Variants in NAMPT observed in about 807,000 individuals in gnomAD.
NAMPT encodes NAmPRTase.
In NAMPT, 7 loss-of-function variants were observed where a neutral mutation model predicts 58.7. The observed-to-expected ratio is 0.12, with a 90% CI of 0.07 to 0.22. The LOEUF (loss-of-function observed/expected upper bound fraction) is 0.22, where lower values mean the gene tolerates loss of function less well. Ranked by LOEUF, NAMPT falls within the 10% of genes least tolerant of loss-of-function variation. The probability of loss-of-function intolerance (pLI) is 1.00; values close to 1 mark genes in which losing one functional copy is unlikely to be tolerated. For missense variants in NAMPT, 271 were observed against 567.9 expected (o/e 0.48, Z 5.31); for synonymous variants, 145 against 198.1 (o/e 0.73, Z 2.25).
At chr7:106,282,862 T>C (rs1244551345) in intron 1 of NAMPT, among the ~76,000 whole-genome samples, 1 of 152,262 alleles carries the variant, frequency 6.6e-6, no homozygotes, top group East Asian at 1.9e-4. Context: ...CTGATAAGGA[T>C]ATGTAACATT....
chr7:106,257,068 C>T (rs79267862), intron 8 of NAMPT, among the ~76,000 whole-genome samples: 10 of 151,474 alleles, frequency 6.6e-5, no homozygotes, highest in African/African-American at 2.4e-4. Context: ...CCCAGCTACC[C>T]GAGAAGCAGA....
Position 106,250,504 on chromosome 7 carries a change from AG to A in NAMPT, c.*578del, listed in dbSNP as rs1394798779. The A allele has an allele frequency of 2.6e-5, 4 of 153,512 alleles. No homozygotes were observed. The highest frequency in any genetic ancestry group is 9.7e-5 in the African/African-American group (4 of 41,444). The allele number at this position is 153,512 out of a possible 1,614,324, so 9.5% of individuals were successfully genotyped here. A position where few individuals can be genotyped will look rare whatever the true frequency, so the allele number is the denominator to read the frequency against. On this transcript the variant is annotated 3_prime_UTR_variant, in exon 11 of 11. Transcript: ENST00000222553. ...GGGGCAGTAAGGTTAGTAATTCTAT[AG>A]GGTATGTCCCGACATAATTTTCAAA...
chr7:106,253,008 GATAC>G lies in NAMPT; in HGVS notation c.1365+5_1365+8del. On this transcript the variant is annotated splice_donor_5th_base_variant and intron_variant, in intron 10 of 10. Coordinates refer to ENST00000222553, the MANE Select transcript of NAMPT (RefSeq NM_005746.3). ...TTGCTTAAAAAAACCAATCAGCATA[GATAC>G]ATACCTGACCATATTCCTCAAGGTC... is the stretch of plus-strand genomic sequence containing the variant. The G allele has an allele frequency of 6.2e-7, 1 of 1,612,218 alleles. No individual in the cohort carries two copies. Among genetic ancestry groups the G allele is most frequent in the Non-Finnish European group, 8.5e-7 (1 of 1,178,950 alleles).
chr7:106,256,780 G>A (rs879835560), intron 8 of NAMPT, among the ~76,000 whole-genome samples: 2 of 152,120 alleles, frequency 1.3e-5, no homozygotes, highest in Admixed American at 6.5e-5. Flanking sequence ...TCCACTTAAC[G>A]TTTTCAACTT....
upstream of NAMPT, chr7:106,285,487 G>GGGCGAGGAGCC: frequency 1.1e-6 from 1 of 940,504 alleles, no homozygotes; most frequent in Non-Finnish European, 1.3e-6. Flanking sequence ...CCCGGCTAGG[G>GGGCGAGGAGCC]GGCGAGGAGC....
In NAMPT at chr7:106,274,417, G is replaced by A. The variant is rs147388849; in HGVS notation, c.318+529C>T. 2.5e-3 allele frequency among the ~76,000 whole-genome samples: 384 copies of A among 152,138 alleles called. 3 individuals carry two copies. Among genetic ancestry groups the A allele is most frequent in the African/African-American group, 8.7e-3 (363 of 41,496 alleles). ...AATGATTTAACATGGGGGATGCGGG[G>A]AGAGGGATAAAATGTCAACCTTAAC... On this transcript the variant is annotated intron_variant, in intron 3 of 10. Transcript: ENST00000222553.
chr7:106,281,220 T>A (rs561252244), intron 1 of NAMPT, among the ~76,000 whole-genome samples: 1 of 152,042 alleles, frequency 6.6e-6, no homozygotes, highest in Non-Finnish European at 1.5e-5. Context: ...GACAGTTTTT[T>A]TAAAAAAGTA....
chr7:106,255,826 G>C (rs1289819710), intron 8 of NAMPT, among the ~76,000 whole-genome samples: 1 of 152,140 alleles, frequency 6.6e-6, no homozygotes, highest in Non-Finnish European at 1.5e-5. Flanking sequence ...GCAAAGAGTA[G>C]AACAGAAAAG....
chr7:106,285,221 G>GGGA (rs1792852462), upstream of NAMPT: 1 of 1,080,826 alleles, frequency 9.3e-7, no homozygotes, highest in Non-Finnish European at 1.1e-6. Flanking sequence ...AGGCGGGGCG[G>GGGA]GGAGGAGGAC....
chr7:106,282,385 T>C (rs527360285), intron 1 of NAMPT, among the ~76,000 whole-genome samples: 4 of 152,320 alleles, frequency 2.6e-5, no homozygotes, highest in African/African-American at 9.6e-5. Context: ...ATTAAATGAA[T>C]GGTTAAAAAT....
rs780748002 is a variant in NAMPT at position 106,254,514 on chromosome 7, T to C, written c.1090-10A>G. On this transcript the variant is annotated splice_polypyrimidine_tract_variant and intron_variant, in intron 8 of 10. Coordinates refer to ENST00000222553, the MANE Select transcript of NAMPT (RefSeq NM_005746.3). ...TCATGCCTTCTACAATCTAGAAGAT[T>C]AAAACAAAACAAAACCAAACCAAAC... The C allele has an allele frequency of 6.2e-6, 10 of 1,612,702 alleles. No individual in the cohort carries two copies. The highest frequency in any genetic ancestry group is 5.0e-5 in the Admixed American group (3 of 59,916).
At chr7:106,269,525 C>T (rs1486711104) in intron 4 of NAMPT, among the ~76,000 whole-genome samples, 6 of 152,076 alleles carry the variant, frequency 3.9e-5, no homozygotes, top group African/African-American at 1.4e-4. Context: ...ATAAGCACAC[C>T]AGGTCCACAT....
chr7:106,274,331 G>A (rs1040155570), intron 3 of NAMPT, among the ~76,000 whole-genome samples: 2 of 151,958 alleles, frequency 1.3e-5, no homozygotes, highest in African/African-American at 4.8e-5. Flanking sequence ...TCTCAAAAAT[G>A]TTATTTAAGT....
chr7:106,252,248 G>A (rs1431542203), intron 10 of NAMPT, among the ~76,000 whole-genome samples: 6 of 151,978 alleles, frequency 3.9e-5, no homozygotes, highest in East Asian at 3.8e-4. Flanking sequence ...AGGTACAAGA[G>A]TTACACAAAG....
intron 7 of NAMPT, among the ~76,000 whole-genome samples, chr7:106,262,746 T>G (rs1419894364): frequency 6.6e-6 from 1 of 152,146 alleles, no homozygotes; most frequent in African/African-American, 2.4e-5. Flanking sequence ...CCTCTGTTTT[T>G]TTCTTCTATA....
Position 106,275,057 on chromosome 7 carries a change from A to G in NAMPT, c.215-8T>C, listed in dbSNP as rs750362473. 5.3e-6 allele frequency: 8 copies of G among 1,508,992 alleles called. No homozygotes were observed. The South Asian group carries it at 9.0e-5, about 17-fold the overall frequency. The allele number at this position is 1,508,992 out of a possible 1,614,324, so 93.5% of individuals were successfully genotyped here. On this transcript the variant is annotated splice_region_variant and splice_polypyrimidine_tract_variant and intron_variant, in intron 2 of 10. Coordinates refer to ENST00000222553, the MANE Select transcript of NAMPT (RefSeq NM_005746.3). ...CTTTGGTTACTACTTTACCTAGAAG[A>G]ATATACATGTCCTGTTTACATTTCT...
At position 106,254,454 on chromosome 7, in the gene NAMPT, G is replaced by A. The variant is rs560168006; in HGVS notation, c.1140C>T (p.Phe380=). 6.3e-5 allele frequency: 101 copies of A among 1,613,778 alleles called. 1 individual carries two copies. The South Asian group carries it at 9.4e-4, about 15-fold the overall frequency. Residue 380 remains phenylalanine (F), a synonymous_variant, in exon 9 of 11, where the codon TTC becomes TTT. Transcript: ENST00000222553. ...QKMWSIENIA[F]GSGGGLLQKL... is the part of the protein sequence containing the mutation. ...TCTGTAGCAAACCTCCACCAGAACCGAAGGCAATATTTTCAATACTCCACA... is the reference window on the plus strand; with the variant it reads ...TCTGTAGCAAACCTCCACCAGAACCAAAGGCAATATTTTCAATACTCCACA...
chr7:106,248,453 T>A lies in NAMPT; in HGVS notation c.*2630A>T, dbSNP rs572421402. 2 of 152,656 alleles carry A rather than the reference T, an allele frequency of 1.3e-5. No homozygotes were observed. Among genetic ancestry groups the A allele is most frequent in the Non-Finnish European group, 2.9e-5 (2 of 67,976 alleles). 9.5% of individuals were successfully genotyped at this position (152,656 alleles called of 1,614,324 possible). ...TGTAAAACTACAAAATACTTAAGTG[T>A]GAGTTCTAAATTATGGCAAACAGAA... is the stretch of plus-strand genomic sequence containing the variant. On this transcript the variant is annotated 3_prime_UTR_variant, in exon 11 of 11. Transcript: ENST00000222553.
intron 1 of NAMPT, chr7:106,284,551 C>A (rs1462936399): frequency 3.5e-5 from 6 of 170,382 alleles, no homozygotes; most frequent in Non-Finnish European, 7.2e-5. Flanking sequence ...CCGCTGGGGC[C>A]CGCCTCAGCC....
Sources: allele counts gnomAD v4.1 joint callset (sites outside exome capture counted in the v4.1 genomes callset), GRCh38; gene constraint gnomAD v4.1.1; transcripts MANE v1.5; gene names NCBI Gene and HGNC (gene_info 2026-07-23, HGNC 2026-07-21).